PCDH15: variants seen among roughly 807,000 people sequenced by gnomAD.
The protein encoded by PCDH15 is protocadherin-15.
Under a neutral mutation model 178.5 loss-of-function variants are expected in PCDH15, and 129 were observed. The observed-to-expected ratio is 0.72, with a 90% CI of 0.63 to 0.84. PCDH15 has a LOEUF of 0.84. Among genes scored for constraint, PCDH15 ranks in the 40% least tolerant of loss-of-function variants. The probability of loss-of-function intolerance (pLI) is 0.00; values close to 1 mark genes in which losing one functional copy is unlikely to be tolerated. For synonymous variants in PCDH15, 800 were observed against 732.0 expected (o/e 1.09, Z -1.50); for missense variants, 2,230 against 2,099.9 (o/e 1.06, Z -1.21).
chr10:55,442,690 ATT>A (rs1839225038), intron 2 of PCDH15, among the ~76,000 whole-genome samples: 2 of 151,486 alleles, frequency 1.3e-5, no homozygotes, highest in Admixed American at 1.3e-4. Context: ...TAATCTATTT[ATT>A]TATGTAGATG....
chr10:54,455,752 C>G (rs2076777002), intron 3 of PCDH15, among the ~76,000 whole-genome samples: 1 of 152,160 alleles, frequency 6.6e-6, no homozygotes, highest in South Asian at 2.1e-4. Context: ...CCCCTCCCAT[C>G]ACAGGCCTGA....
At chr10:55,020,314 T>C (rs900763077) in intron 2 of PCDH15, among the ~76,000 whole-genome samples, 12 of 151,326 alleles carry the variant, frequency 7.9e-5, no homozygotes, top group Admixed American at 3.3e-4. Context: ...GGGCATGTAA[T>C]AGTAATTAAT....
intron 2 of PCDH15, among the ~76,000 whole-genome samples, chr10:55,119,250 A>G (rs576701925): frequency 4.6e-5 from 7 of 152,258 alleles, no homozygotes; most frequent in Middle Eastern, 3.4e-3. Context: ...GTGAGATTGC[A>G]TAGGTCACAC....
At chr10:53,982,113 C>T (rs964944480) in intron 21 of PCDH15, among the ~76,000 whole-genome samples, 5 of 152,218 alleles carry the variant, frequency 3.3e-5, no homozygotes, top group African/African-American at 1.2e-4. Context: ...ATCAAAACCA[C>T]AATGAGATAC....
chr10:55,569,409 T>C (rs925049775), intron 2 of PCDH15, among the ~76,000 whole-genome samples: 3 of 152,012 alleles, frequency 2.0e-5, no homozygotes, highest in African/African-American at 7.2e-5. Context: ...TGCTCATCCA[T>C]ACTCTGTCCA....
chr10:54,431,887 T>G (rs1389853197), intron 3 of PCDH15, among the ~76,000 whole-genome samples: 7 of 152,150 alleles, frequency 4.6e-5, no homozygotes, highest in African/African-American at 7.2e-5. Context: ...CTATTAGAAC[T>G]GATAAACAAA....
intron 1 of PCDH15, among the ~76,000 whole-genome samples, chr10:54,782,781 C>T (rs903693537): frequency 2.6e-5 from 4 of 151,938 alleles, no homozygotes; most frequent in African/African-American, 9.7e-5. Flanking sequence ...AGCTGGCCAG[C>T]CCAATATCTT....
intron 1 of PCDH15, among the ~76,000 whole-genome samples, chr10:54,674,137 T>G (rs946038042): frequency 1.3e-5 from 2 of 152,204 alleles, no homozygotes; most frequent in Non-Finnish European, 2.9e-5. Flanking sequence ...ATATAACTTT[T>G]TACTTTCTTT....
chr10:55,338,049 A>C (rs1230045670), intron 2 of PCDH15, among the ~76,000 whole-genome samples: 1 of 152,152 alleles, frequency 6.6e-6, no homozygotes, highest in Non-Finnish European at 1.5e-5. Context: ...AACTATATGG[A>C]AAAAAAGCTC....
At chr10:54,122,883 A>C (rs552369688) in intron 15 of PCDH15, among the ~76,000 whole-genome samples, 1 of 150,834 alleles carries the variant, frequency 6.6e-6, no homozygotes, top group Non-Finnish European at 1.5e-5. Flanking sequence ...CTAAAAAAAA[A>C]AAAAAGGGAA....
intron 2 of PCDH15, among the ~76,000 whole-genome samples, chr10:55,451,435 T>G (rs894306326): frequency 1.3e-5 from 2 of 151,604 alleles, no homozygotes; most frequent in Non-Finnish European, 2.9e-5. Context: ...GAGGTGGAGG[T>G]TGCAGTGAGC....
intron 15 of PCDH15, among the ~76,000 whole-genome samples, chr10:54,125,973 A>T (rs1413552424): frequency 6.6e-6 from 1 of 152,104 alleles, no homozygotes; most frequent in Non-Finnish European, 1.5e-5. Flanking sequence ...ATTATTTCAA[A>T]TGCCCAGTAC....
At chr10:54,705,164 C>T (rs1051431608) in intron 1 of PCDH15, among the ~76,000 whole-genome samples, 2 of 151,984 alleles carry the variant, frequency 1.3e-5, no homozygotes, top group African/African-American at 4.8e-5. Flanking sequence ...ACACTGATGC[C>T]TACTTGAGAG....
chr10:55,177,717 T>C (rs866317832), intron 1 of PCDH15, among the ~76,000 whole-genome samples: 2 of 152,100 alleles, frequency 1.3e-5, no homozygotes, highest in South Asian at 2.1e-4. Context: ...GTTAAGAAGG[T>C]GTCACTGTCA....
chr10:54,192,822 T>C (rs1030622083), intron 11 of PCDH15, among the ~76,000 whole-genome samples: 1 of 152,168 alleles, frequency 6.6e-6, no homozygotes, highest in Non-Finnish European at 1.5e-5. Flanking sequence ...ATAAAAGTTA[T>C]GAAGCATGCC....
At chr10:54,261,291 T>C (rs2057299992) in intron 8 of PCDH15, among the ~76,000 whole-genome samples, 1 of 152,064 alleles carries the variant, frequency 6.6e-6, no homozygotes, top group Non-Finnish European at 1.5e-5. Context: ...AAAAAAGCTA[T>C]CATTAATATG....
chr10:55,158,927 A>T (rs895970602), intron 2 of PCDH15, among the ~76,000 whole-genome samples: 1 of 123,436 alleles, frequency 8.1e-6, no homozygotes, highest in African/African-American at 2.6e-5. Context: ...ATATAGACAG[A>T]GAAGTGCTAA....
chr10:55,479,735 T>C (rs1463765453), intron 2 of PCDH15, among the ~76,000 whole-genome samples: 1 of 138,962 alleles, frequency 7.2e-6, no homozygotes, highest in Non-Finnish European at 1.5e-5. Flanking sequence ...GCAGACAGCA[T>C]GATCTTTATA....
In PCDH15 at chr10:54,793,131, A is replaced by G. The variant is rs897768130; in HGVS notation, c.-29+7794T>C. On this transcript the variant is annotated intron_variant, in intron 1 of 37. Transcript: ENST00000644397. ...ATATCAGTAGGCTCAGGGGAACTGA[A>G]CCTTCATCCCCACCTGGGCATCAAT... Among the ~76,000 whole-genome samples, 3 of 151,836 alleles carry G rather than the reference A, an allele frequency of 2.0e-5. No homozygotes were observed. In the East Asian group the frequency reaches 5.9e-4, roughly 30 times the overall value.
Sources: allele counts gnomAD v4.1 joint callset (sites outside exome capture counted in the v4.1 genomes callset), GRCh38; gene constraint gnomAD v4.1.1; transcripts MANE v1.5; gene names NCBI Gene and HGNC (gene_info 2026-07-23, HGNC 2026-07-21).